PRKAG2: variants seen among roughly 807,000 people sequenced by gnomAD.
The protein encoded by PRKAG2 is protein kinase AMP-activated non-catalytic subunit gamma 2.
In PRKAG2, 26 loss-of-function variants were observed where a neutral mutation model predicts 69.6. The observed-to-expected ratio is 0.37, with a 90% CI of 0.27 to 0.52. PRKAG2 has a LOEUF of 0.52. Among genes scored for constraint, PRKAG2 ranks in the 20% least tolerant of loss-of-function variants. PRKAG2 has a pLI of 0.90. For synonymous variants in PRKAG2, 293 were observed against 285.0 expected (o/e 1.03, Z -0.28); for missense variants, 557 against 740.0 (o/e 0.75, Z 2.87).
chr7:151,715,932 A>AT (rs1356037096), intron 3 of PRKAG2, among the ~76,000 whole-genome samples: 6 of 152,042 alleles, frequency 3.9e-5, no homozygotes, highest in Non-Finnish European at 7.4e-5. Flanking sequence ...TCCAGGAAGG[A>AT]TTTTCGAGAG....
rs902161566 is a variant in PRKAG2, at chr7:151,756,940, G to A, written c.466+24212C>T. 3.1e-4 allele frequency among the ~76,000 whole-genome samples: 47 copies of A among 152,212 alleles called. 1 individual carries two copies. Among genetic ancestry groups the A allele is most frequent in the African/African-American group, 1.1e-3 (44 of 41,456 alleles). Reference sequence around the variant, plus strand: ...CATCTGCAGGAGACGATTCAGACGGGGTCAGCGCTGCGATTCGGGGGAGTA... The same window carrying A: ...CATCTGCAGGAGACGATTCAGACGGAGTCAGCGCTGCGATTCGGGGGAGTA... On this transcript the variant is annotated intron_variant, in intron 3 of 15. Coordinates refer to ENST00000287878, the MANE Select transcript of PRKAG2 (RefSeq NM_016203.4). The surrounding 1 kb of genome is among the most constrained non-coding windows in gnomAD (Gnocchi z 4.9).
intron 9 of PRKAG2, among the ~76,000 whole-genome samples, chr7:151,571,538 C>A (rs558057297): frequency 6.6e-6 from 1 of 152,100 alleles, no homozygotes; most frequent in Non-Finnish European, 1.5e-5. Flanking sequence ...ATACAGAAGG[C>A]GTTTAAGAAT....
intron 4 of PRKAG2, among the ~76,000 whole-genome samples, chr7:151,650,220 A>C (rs1029028785): frequency 6.6e-6 from 1 of 152,210 alleles, no homozygotes; most frequent in Middle Eastern, 3.4e-3. Flanking sequence ...CTGTCTCAAC[A>C]AAAAAGTTTA....
At chr7:151,582,152 A>G (rs1045194414) in intron 6 of PRKAG2, among the ~76,000 whole-genome samples, 1 of 152,116 alleles carries the variant, frequency 6.6e-6, no homozygotes, top group Non-Finnish European at 1.5e-5. Flanking sequence ...GGATCGATGT[A>G]TGTATGTACG....
At chr7:151,753,912 T>C (rs1175977918) in intron 3 of PRKAG2, among the ~76,000 whole-genome samples, 5 of 152,070 alleles carry the variant, frequency 3.3e-5, no homozygotes, top group African/African-American at 4.8e-5. Context: ...TGCACACCTG[T>C]AGTCGCAGCT....
chr7:151,637,706 G>T (rs1825963467), intron 4 of PRKAG2, among the ~76,000 whole-genome samples: 1 of 136,688 alleles, frequency 7.3e-6, no homozygotes, highest in South Asian at 2.2e-4. Context: ...AAAGTCATGA[G>T]GTTTTTTTTT....
chr7:151,607,118 G>A (rs1366915240), intron 5 of PRKAG2, among the ~76,000 whole-genome samples: 2 of 152,212 alleles, frequency 1.3e-5, no homozygotes, highest in African/African-American at 2.4e-5. Context: ...ATATGAGTAA[G>A]TAGCAAGTTT....
At chr7:151,785,560 C>T (rs2076962148) in intron 2 of PRKAG2, among the ~76,000 whole-genome samples, 1 of 152,216 alleles carries the variant, frequency 6.6e-6, no homozygotes, top group Non-Finnish European at 1.5e-5. Flanking sequence ...AATTCAAATG[C>T]TTAAAGAGGA....
chr7:151,854,436 G>A (rs2079654684), intron 1 of PRKAG2, among the ~76,000 whole-genome samples: 1 of 152,226 alleles, frequency 6.6e-6, no homozygotes, highest in Non-Finnish European at 1.5e-5. Context: ...TGCTGTCTGA[G>A]ACCTGCCCCC....
At chr7:151,742,605 C>A (rs1399493713) in intron 3 of PRKAG2, among the ~76,000 whole-genome samples, 3 of 149,742 alleles carry the variant, frequency 2.0e-5, no homozygotes, top group Admixed American at 6.7e-5. Context: ...GCCTGTGCAA[C>A]AGAGTAAGAT....
chr7:151,650,120 C>CT (rs777547826), intron 4 of PRKAG2, among the ~76,000 whole-genome samples: 29 of 152,106 alleles, frequency 1.9e-4, no homozygotes, highest in Admixed American at 5.9e-4. Flanking sequence ...ACTCAGGAGC[C>CT]TGAGGCGGGA....
At chr7:151,820,212 A>C (rs1456373160) in intron 1 of PRKAG2, among the ~76,000 whole-genome samples, 2 of 152,380 alleles carry the variant, frequency 1.3e-5, no homozygotes, top group South Asian at 2.1e-4. Flanking sequence ...TTTCTAAAAA[A>C]TGGTGCATGC....
At chr7:151,582,279 A>G (rs1810661915) in intron 6 of PRKAG2, among the ~76,000 whole-genome samples, 1 of 152,110 alleles carries the variant, frequency 6.6e-6, no homozygotes, top group South Asian at 2.1e-4. Flanking sequence ...CCTCCTGAGT[A>G]GCTGGGACCA....
At chr7:151,586,597 G>A (rs958222374) in intron 6 of PRKAG2, among the ~76,000 whole-genome samples, 6 of 152,146 alleles carry the variant, frequency 3.9e-5, no homozygotes, top group Non-Finnish European at 5.9e-5. Flanking sequence ...GGTGCTCTCC[G>A]CAACTATTGT....
intron 3 of PRKAG2, among the ~76,000 whole-genome samples, chr7:151,768,961 G>A (rs2075883360): frequency 6.6e-6 from 1 of 152,198 alleles, no homozygotes; most frequent in Admixed American, 6.5e-5. Flanking sequence ...AACAGACTTG[G>A]AGTTCTAATG....
chr7:151,795,876 T>TACATATATATATATATATAC (rs1450051905), intron 1 of PRKAG2, among the ~76,000 whole-genome samples: 5 of 112,840 alleles, frequency 4.4e-5, no homozygotes, highest in African/African-American at 1.8e-4. Context: ...TATATATATA[T>TACATATATATATATATATAC]ATATATATAT....
intron 3 of PRKAG2, among the ~76,000 whole-genome samples, chr7:151,746,820 A>G (rs2074312275): frequency 6.6e-6 from 1 of 152,136 alleles, no homozygotes; most frequent in Non-Finnish European, 1.5e-5. Context: ...TTGGACTTGC[A>G]ATAGGAGCTC....
intron 4 of PRKAG2, among the ~76,000 whole-genome samples, chr7:151,641,222 T>A (rs1400864337): frequency 6.6e-6 from 1 of 151,070 alleles, no homozygotes; most frequent in Non-Finnish European, 1.5e-5. Flanking sequence ...CAATTTCAGC[T>A]TTTTTGTTCC....
chr7:151,569,394 C>G (rs1050618433), intron 10 of PRKAG2, among the ~76,000 whole-genome samples: 3 of 152,204 alleles, frequency 2.0e-5, no homozygotes, highest in Non-Finnish European at 4.4e-5. Context: ...ACGATGAAAC[C>G]TAAATCCTTA....
Sources: gnomAD v4.1 joint callset for allele counts (sites outside exome capture counted in the v4.1 genomes callset) on GRCh38, gnomAD v4.1.1 for gene constraint, Gnocchi (gnomAD v3.1) non-coding constraint, MANE v1.5 for transcripts, NCBI Gene and HGNC (gene_info 2026-07-23, HGNC 2026-07-21) for gene names.